The following ATP6V0A4 variants were observed in gnomAD, a reference collection of about 807,000 sequenced individuals.
The protein encoded by ATP6V0A4 is V-type proton ATPase 116 kDa subunit a 4.
A neutral mutation model predicts 107.3 loss-of-function variants in ATP6V0A4; 86 were observed. That is an observed-to-expected ratio of 0.80 (90% CI 0.67 to 0.96). The LOEUF is 0.96. Ranked by LOEUF, ATP6V0A4 falls within the 40% of genes least tolerant of loss-of-function variation. ATP6V0A4 has a pLI of 0.00. For synonymous variants in ATP6V0A4, 353 were observed against 381.4 expected (o/e 0.93, Z 0.87); for missense variants, 908 against 1,045.6 (o/e 0.87, Z 1.81).
intron 2 of ATP6V0A4, among the ~76,000 whole-genome samples, chr7:138,785,736 C>T (rs986907337): frequency 3.9e-5 from 6 of 152,116 alleles, no homozygotes; most frequent in African/African-American, 1.4e-4. Context: ...ATTGTATGCA[C>T]ACACACGCAC....
At chr7:138,712,531 A>G (rs1038889840) in intron 20 of ATP6V0A4, among the ~76,000 whole-genome samples, 1 of 152,174 alleles carries the variant, frequency 6.6e-6, no homozygotes, top group Non-Finnish European at 1.5e-5. Flanking sequence ...CAAAGGTTAA[A>G]TTTCTTGTAT....
chr7:138,731,589 T>C (rs548844372), intron 17 of ATP6V0A4, among the ~76,000 whole-genome samples: 51 of 152,162 alleles, frequency 3.4e-4, no homozygotes, highest in Non-Finnish European at 6.5e-4. Flanking sequence ...AGGATTTGTA[T>C]ACCTTTTAAA....
At chr7:138,788,461 G>T (rs968024850) in intron 1 of ATP6V0A4, among the ~76,000 whole-genome samples, 9 of 152,124 alleles carry the variant, frequency 5.9e-5, no homozygotes, top group African/African-American at 1.9e-4. Flanking sequence ...TTTTCTACCC[G>T]AGCTAACCCA....
chr7:138,758,739 A>ATTTTTTTTTTTTTTTTTTTTTTTT (rs398006555), intron 8 of ATP6V0A4, among the ~76,000 whole-genome samples: 1 of 59,176 alleles, frequency 1.7e-5, no homozygotes, highest in Non-Finnish European at 2.9e-5. Flanking sequence ...CTGACTCAGA[A>ATTTTTTTTTTTTTTTTTTTTTTTT]TTTTTTTTTT....
chr7:138,776,191 G>A (rs1178348785), intron 2 of ATP6V0A4, among the ~76,000 whole-genome samples: 1 of 152,214 alleles, frequency 6.6e-6, no homozygotes, highest in African/African-American at 2.4e-5. Flanking sequence ...AGAACACAGG[G>A]TGAGAAATCA....
rs144802156 is a variant in ATP6V0A4 at position 138,762,433 on chromosome 7, G to A, written c.419C>T (p.Thr140Met). The A allele has an allele frequency of 1.7e-4, 279 of 1,613,982 alleles. No homozygotes were observed. Among genetic ancestry groups the A allele is most frequent in the African/African-American group, 1.7e-3 (126 of 75,012 alleles). ...LLKKTQDFFETETNLADDFFT... is the reference protein window; with the variant it reads ...LLKKTQDFFEMETNLADDFFT... ...GAAATCATCAGCTAAATTGGTTTCCGTCTGAAAGTCAAAGCACTATGATTT... is the reference window on the plus strand; with the variant it reads ...GAAATCATCAGCTAAATTGGTTTCCATCTGAAAGTCAAAGCACTATGATTT... Residue 140 changes from threonine to methionine, a missense_variant and splice_region_variant, in exon 7 of 22, where the codon ACG becomes ATG. Thr to Met is a moderately conservative substitution (Grantham distance 81). Transcript: ENST00000310018.
intron 21 of ATP6V0A4, among the ~76,000 whole-genome samples, chr7:138,707,208 T>TA (rs1491380006): frequency 3.3e-5 from 2 of 60,738 alleles, no homozygotes; most frequent in African/African-American, 8.1e-5. Context: ...ATATAATATA[T>TA]TATATTATAT....
At chr7:138,728,615 G>T in intron 18 of ATP6V0A4, 146 bp downstream of exon 18, 3 of 1,123,858 alleles carry the variant, frequency 2.7e-6, no homozygotes, top group Non-Finnish European at 4.0e-6. Context: ...TCCACAGAAC[G>T]AAACATACTC....
intron 19 of ATP6V0A4, among the ~76,000 whole-genome samples, chr7:138,720,582 A>C (rs1349182759): frequency 6.6e-6 from 1 of 152,022 alleles, no homozygotes; most frequent in Non-Finnish European, 1.5e-5. Context: ...TGTACCTAGA[A>C]TTTTCTTGGG....
At chr7:138,728,292 G>A (rs918226474) in intron 18 of ATP6V0A4, among the ~76,000 whole-genome samples, 2 of 149,888 alleles carry the variant, frequency 1.3e-5, no homozygotes, top group African/African-American at 2.5e-5. Flanking sequence ...GTGTGATCTC[G>A]GCTCACCGCA....
At chr7:138,779,888 A>G (rs1380921012) in intron 2 of ATP6V0A4, 3 of 152,184 alleles carry the variant, frequency 2.0e-5, no homozygotes, top group African/African-American at 7.2e-5. Context: ...AAATAAAGGA[A>G]AAGATACTGA....
intron 12 of ATP6V0A4, 22 bp downstream of exon 12, chr7:138,749,145 G>A (rs371561020): frequency 2.4e-5 from 38 of 1,613,260 alleles, no homozygotes; most frequent in South Asian, 1.5e-4. Context: ...CTACCCAGTC[G>A]TGCAGTTCAT....
intron 15 of ATP6V0A4, among the ~76,000 whole-genome samples, chr7:138,739,171 C>T (rs1805489643): frequency 6.6e-6 from 1 of 152,128 alleles, no homozygotes; most frequent in South Asian, 2.1e-4. Context: ...GGAAATGTTT[C>T]CCACTGCAAG....
At chr7:138,786,530 G>C (rs1238254599) in intron 1 of ATP6V0A4, among the ~76,000 whole-genome samples, 1 of 151,500 alleles carries the variant, frequency 6.6e-6, no homozygotes, top group African/African-American at 2.4e-5. Flanking sequence ...AGTGAACGAA[G>C]ATTGCACCAC....
chr7:138,745,421 T>C (rs1805865011), intron 13 of ATP6V0A4, 141 bp from the exon 14 acceptor site: 2 of 1,254,280 alleles, frequency 1.6e-6, no homozygotes, highest in Non-Finnish European at 2.3e-6. Context: ...ACATCAATCA[T>C]CCAGACAGGA....
At chr7:138,779,095 T>G (rs1489824295) in intron 2 of ATP6V0A4, among the ~76,000 whole-genome samples, 1 of 152,052 alleles carries the variant, frequency 6.6e-6, no homozygotes, top group East Asian at 1.9e-4. Context: ...AATCCCAGCA[T>G]TTTGGGAGGC....
intron 14 of ATP6V0A4, 30 bp downstream of exon 14, chr7:138,745,093 C>G: frequency 6.3e-7 from 1 of 1,586,520 alleles, no homozygotes; most frequent in Non-Finnish European, 8.7e-7. Context: ...GGATGGCCAG[C>G]GACTACACCA....
rs545116852 is a variant in ATP6V0A4, at chr7:138,782,073, G to C, written c.-18+4085C>G. Among the ~76,000 whole-genome samples the C allele has an allele frequency of 3.9e-5, 6 of 152,268 alleles. No individual in the cohort carries two copies. The East Asian group carries it at 1.2e-3, about 29-fold the overall frequency. On this transcript the variant is annotated intron_variant, in intron 2 of 21. Transcript: ENST00000310018. ...CAGAATTGGGTGTATGAGTTTCCTA[G>C]GACTGTGGTACCAGAGTGCCATAAA...
At chr7:138,778,171 C>T (rs937800639) in intron 2 of ATP6V0A4, among the ~76,000 whole-genome samples, 4 of 151,982 alleles carry the variant, frequency 2.6e-5, no homozygotes, top group African/African-American at 9.7e-5. Flanking sequence ...GTCAGGAATT[C>T]GAGACAAGCC....
Sources: gnomAD v4.1 joint callset for allele counts (sites outside exome capture counted in the v4.1 genomes callset) on GRCh38, gnomAD v4.1.1 for gene constraint, MANE v1.5 for transcripts, NCBI Gene and HGNC (gene_info 2026-07-23, HGNC 2026-07-21) for gene names.